ZNF316: variants seen among roughly 807,000 people sequenced by gnomAD.
The protein encoded by ZNF316 is zinc finger protein 316.
ZNF316 carries 23 observed loss-of-function variants against 75.6 expected under a neutral mutation model. That is an observed-to-expected ratio of 0.30 (90% CI 0.22 to 0.43). The LOEUF (loss-of-function observed/expected upper bound fraction) is 0.43, where lower values mean the gene tolerates loss of function less well. Ranked by LOEUF, ZNF316 falls within the 20% of genes least tolerant of loss-of-function variation. The pLI is 1.00. For missense variants in ZNF316, 1,266 were observed against 1,409.4 expected (o/e 0.90, Z 1.63); for synonymous variants, 827 against 666.2 (o/e 1.24, Z -3.72).
rs1324356495 is a variant in ZNF316, at chr7:6,643,807, G to A, written c.466-15G>A. Reference sequence around the variant, plus strand: ...GGGCTCCCTCAGCCTCTCACCTGAGGCTCTGTTTCCCCAGGAGCTGGTGAC... The same window carrying A: ...GGGCTCCCTCAGCCTCTCACCTGAGACTCTGTTTCCCCAGGAGCTGGTGAC... On this transcript the variant is annotated splice_polypyrimidine_tract_variant and intron_variant, in intron 6 of 8. Coordinates refer to ENST00000382252, the MANE Select transcript of ZNF316 (RefSeq NM_001278559.2). 2.4e-6 allele frequency: 3 copies of A among 1,234,424 alleles called. No individual in the cohort carries two copies. The highest frequency in any genetic ancestry group is 3.1e-5 in the East Asian group (1 of 31,748). 76.5% of individuals were successfully genotyped at this position (1,234,424 alleles called of 1,614,324 possible). A position where few individuals can be genotyped will look rare whatever the true frequency, so the allele number is the denominator to read the frequency against.
At chr7:6,647,880 T>C (rs1004640259) in intron 8 of ZNF316, among the ~76,000 whole-genome samples, 1 of 152,120 alleles carries the variant, frequency 6.6e-6, no homozygotes, top group African/African-American at 2.4e-5. Context: ...CATGTGGCTG[T>C]GGGGCCACTG....
chr7:6,654,221 C>T lies in ZNF316; in HGVS notation c.2625C>T (p.Ala875=). ...GCTTCGCGCAGCGCTCCAACCTGGC[C>T]AAGCACCGGCGCGGCCACACGGGCG... The part of the protein sequence containing the change: ...GRGFAQRSNL[A]KHRRGHTGER... Residue 875 remains alanine (A), a synonymous_variant, in exon 9 of 9, where the codon GCC becomes GCT. Coordinates refer to ENST00000382252, the MANE Select transcript of ZNF316 (RefSeq NM_001278559.2). 1 of 1,222,542 alleles carries T rather than the reference C, an allele frequency of 8.2e-7. No individual in the cohort carries two copies. The highest frequency in any genetic ancestry group is 1.0e-6 in the Non-Finnish European group (1 of 981,734). 75.7% of individuals were successfully genotyped at this position (1,222,542 alleles called of 1,614,324 possible).
At position 6,643,905 on chromosome 7, in the gene ZNF316, C is replaced by T; in HGVS notation, c.549C>T (p.Tyr183=). ...ERLEADQRGL[Y]QEVMQENYGI... ...TGGAAGCAGACCAGCGGGGCCTCTA[C>T]CAGGAAGTCATGCAGGAGAACTATG... The change falls in exon 7 of 9, where the codon TAC becomes TAT. Residue 183 remains tyrosine, a synonymous_variant. Coordinates refer to ENST00000382252, the MANE Select transcript of ZNF316 (RefSeq NM_001278559.2). 1.6e-6 allele frequency: 2 copies of T among 1,234,318 alleles called. No individual in the cohort carries two copies. Among genetic ancestry groups the T allele is most frequent in the Non-Finnish European group, 2.0e-6 (2 of 989,372 alleles). The allele number at this position is 1,234,318 out of a possible 1,614,324, so 76.5% of individuals were successfully genotyped here.
chr7:6,640,471 G>A lies in ZNF316; in HGVS notation c.-167+1330G>A, dbSNP rs1779293131. On this transcript the variant is annotated intron_variant, in intron 3 of 8. Coordinates refer to ENST00000382252, the MANE Select transcript of ZNF316 (RefSeq NM_001278559.2). This position sits in a 1 kb window ranked among gnomAD's most constrained non-coding sequence, Gnocchi z 5.1. ...TGGGGAGGCGCCACACACTTTTAAA[G>A]ACGACCAGATGTCCTGTGAACTCAT... 6.6e-6 allele frequency among the ~76,000 whole-genome samples: 1 copy of A among 152,150 alleles called. No homozygotes were observed. Among genetic ancestry groups the A allele is most frequent in the African/African-American group, 2.4e-5 (1 of 41,428 alleles).
Position 6,653,222 on chromosome 7 carries a change from TGGCGAGGCGGAC to T in ZNF316, c.1629_1640del (p.Asp546_Ala549del), listed in dbSNP as rs1006144173. 1.6e-6 allele frequency: 2 copies of T among 1,223,810 alleles called. No individual in the cohort carries two copies. Among genetic ancestry groups the T allele is most frequent in the Admixed American group, 4.3e-5 (1 of 23,394 alleles). 75.8% of individuals were successfully genotyped at this position (1,223,810 alleles called of 1,614,324 possible). On this transcript the variant is annotated inframe_deletion, in exon 9 of 9. Transcript: ENST00000382252. ...ACCCTGGGCCAGAGGGATCTGAAGT[TGGCGAGGCGGAC>T]GGAGAGGCGGAGGCCGCGGCCGAGG...
chr7:6,656,906 A>T lies in ZNF316; in HGVS notation c.*2295A>T, dbSNP rs1043831859. ...CTGATTGGTTGATTTCTTTATTCTTATCACATGGTAGCCCACGATCAGATC... is the reference window on the plus strand; with the variant it reads ...CTGATTGGTTGATTTCTTTATTCTTTTCACATGGTAGCCCACGATCAGATC... On this transcript the variant is annotated 3_prime_UTR_variant, in exon 9 of 9. Coordinates refer to ENST00000382252, the MANE Select transcript of ZNF316 (RefSeq NM_001278559.2). Among the ~76,000 whole-genome samples the T allele has an allele frequency of 6.6e-6, 1 of 152,114 alleles. No individual in the cohort carries two copies. Among genetic ancestry groups the T allele is most frequent in the African/African-American group, 2.4e-5 (1 of 41,406 alleles).
chr7:6,637,442 C>T lies in ZNF316; in HGVS notation c.-436C>T, dbSNP rs1412922147. On this transcript the variant is annotated 5_prime_UTR_variant, in exon 1 of 9. Transcript: ENST00000382252. The surrounding 1 kb of genome is among the most constrained non-coding windows in gnomAD (Gnocchi z 6.2). ...GGCCCGTGGCTCGGCCAGCCCGGCCCGCGCGGTGAGTGGGTCTCGCGGGGC... is the reference window on the plus strand; with the variant it reads ...GGCCCGTGGCTCGGCCAGCCCGGCCTGCGCGGTGAGTGGGTCTCGCGGGGC... 1 of 146,710 alleles carries T rather than the reference C, an allele frequency of 6.8e-6. No individual in the cohort carries two copies. The highest frequency in any genetic ancestry group is 1.5e-5 in the Non-Finnish European group (1 of 65,852). 9.1% of individuals were successfully genotyped at this position (146,710 alleles called of 1,614,324 possible).
chr7:6,649,796 G>A (rs1779474969), intron 8 of ZNF316, among the ~76,000 whole-genome samples: 2 of 152,170 alleles, frequency 1.3e-5, no homozygotes, highest in African/African-American at 4.8e-5. Flanking sequence ...TGTTGGACAA[G>A]TGGCCATGCC....
chr7:6,640,260 C>G lies in ZNF316; in HGVS notation c.-167+1119C>G, dbSNP rs1191276582. On this transcript the variant is annotated intron_variant, in intron 3 of 8. Coordinates refer to ENST00000382252, the MANE Select transcript of ZNF316 (RefSeq NM_001278559.2). The surrounding 1 kb of genome is among the most constrained non-coding windows in gnomAD (Gnocchi z 5.1). ...GTTCTCGCATTGCTGTAAAGAAATACCTGAGACTGGGTCATTTATAAAGAA... is the reference window on the plus strand; with the variant it reads ...GTTCTCGCATTGCTGTAAAGAAATAGCTGAGACTGGGTCATTTATAAAGAA... 1.3e-5 allele frequency among the ~76,000 whole-genome samples: 2 copies of G among 152,124 alleles called. No individual in the cohort carries two copies. Among genetic ancestry groups the G allele is most frequent in the African/African-American group, 4.8e-5 (2 of 41,420 alleles).
intron 8 of ZNF316, among the ~76,000 whole-genome samples, chr7:6,648,136 T>C (rs921937560): frequency 1.5e-4 from 23 of 152,222 alleles, no homozygotes; most frequent in African/African-American, 5.3e-4. Flanking sequence ...CCCTCCCAGG[T>C]GTAGGGACCT....
Position 6,652,540 on chromosome 7 carries a change from C to A in ZNF316, c.944C>A (p.Pro315His). ...CTGGCCGACGGCTCTGAAGCGAAGC[C>A]TTTCCTGCCCGGCCGGGAGCCGGGT... ...GVLADGSEAK[P>H]FLPGREPGAN... Residue 315 changes from proline to histidine, a missense_variant, in exon 9 of 9, where the codon CCT becomes CAT. Physicochemically the swap from Pro to His is moderately conservative, Grantham distance 77 (BLOSUM62 -2). Coordinates refer to ENST00000382252, the MANE Select transcript of ZNF316 (RefSeq NM_001278559.2). The A allele has an allele frequency of 8.1e-7, 1 of 1,231,108 alleles. No individual in the cohort carries two copies. The highest frequency in any genetic ancestry group is 1.0e-6 in the Non-Finnish European group (1 of 987,478). The allele number at this position is 1,231,108 out of a possible 1,614,324, so 76.3% of individuals were successfully genotyped here.
chr7:6,649,193 C>T (rs1049690034), intron 8 of ZNF316, among the ~76,000 whole-genome samples: 5 of 152,140 alleles, frequency 3.3e-5, no homozygotes, highest in African/African-American at 1.2e-4. Flanking sequence ...ATCACTGAGC[C>T]CTTGTGGTCC....
rs1315932122 is a variant in ZNF316, at chr7:6,652,761, G to A, written c.1165G>A (p.Ala389Thr). The A allele has an allele frequency of 1.6e-6, 2 of 1,267,030 alleles. No homozygotes were observed. The highest frequency in any genetic ancestry group is 1.5e-5 in the African/African-American group (1 of 64,926). The allele number at this position is 1,267,030 out of a possible 1,614,324, so 78.5% of individuals were successfully genotyped here. ...GKGFVYRSHL[A>T]IHQRTHTGEK... ...GGGCTTCGTGTACCGCTCGCACTTG[G>A]CCATCCACCAGCGCACGCACACCGG... The change falls in exon 9 of 9, where the codon GCC becomes ACC. Residue 389 changes from alanine to threonine, a missense_variant. Physicochemically the swap from Ala to Thr is moderately conservative, Grantham distance 58. Transcript: ENST00000382252.
rs1779231436 is a variant in ZNF316, at chr7:6,637,332, C to A, written c.-546C>A. ...CGGCCGGCGGTACTTCCGGTGCCCA[C>A]GCGCCGCCGTCGCGCAGCTCCCGGG... On this transcript the variant is annotated 5_prime_UTR_variant, in exon 1 of 9. Coordinates refer to ENST00000382252, the MANE Select transcript of ZNF316 (RefSeq NM_001278559.2). The surrounding 1 kb of genome is among the most constrained non-coding windows in gnomAD (Gnocchi z 6.2). 6.7e-6 allele frequency: 1 copy of A among 150,300 alleles called. No individual in the cohort carries two copies. The highest frequency in any genetic ancestry group is 2.1e-4 in the South Asian group (1 of 4,828). The allele number at this position is 150,300 out of a possible 1,614,324, so 9.3% of individuals were successfully genotyped here.
chr7:6,653,294 C>T lies in ZNF316; in HGVS notation c.1698C>T (p.Pro566=). The change falls in exon 9 of 9, where the codon CCC becomes CCT. Residue 566 remains proline (P), a synonymous_variant. Transcript: ENST00000382252. ...REEAAVAAPT[P]SGKVDPAPER... ...AGGCGGCGGTGGCGGCGCCCACCCCCAGCGGCAAGGTGGACCCCGCGCCGG... is the reference window on the plus strand; with the variant it reads ...AGGCGGCGGTGGCGGCGCCCACCCCTAGCGGCAAGGTGGACCCCGCGCCGG... 8.1e-7 allele frequency: 1 copy of T among 1,227,518 alleles called. No individual in the cohort carries two copies. 76.0% of individuals were successfully genotyped at this position (1,227,518 alleles called of 1,614,324 possible). A position where few individuals can be genotyped will look rare whatever the true frequency, so the allele number is the denominator to read the frequency against.
chr7:6,647,183 C>T (rs569189518), intron 8 of ZNF316, among the ~76,000 whole-genome samples: 100 of 152,320 alleles, frequency 6.6e-4, no homozygotes, highest in African/African-American at 2.3e-3. Flanking sequence ...CCCTCAGCCA[C>T]TGCAGACTGG....
intron 6 of ZNF316, among the ~76,000 whole-genome samples, chr7:6,643,477 C>G (rs1779347039): frequency 6.6e-6 from 1 of 152,222 alleles, no homozygotes; most frequent in Non-Finnish European, 1.5e-5. Flanking sequence ...TGCTTGTCCA[C>G]TCGGGTGTGG....
intron 8 of ZNF316, among the ~76,000 whole-genome samples, chr7:6,650,480 C>G (rs952544253): frequency 6.6e-6 from 1 of 152,180 alleles, no homozygotes; most frequent in Non-Finnish European, 1.5e-5. Flanking sequence ...ACAGTGAAGC[C>G]GGGCCTGTGT....
Position 6,654,733 on chromosome 7 carries a change from C to G in ZNF316, c.*122C>G. On this transcript the variant is annotated 3_prime_UTR_variant, in exon 9 of 9. Coordinates refer to ENST00000382252, the MANE Select transcript of ZNF316 (RefSeq NM_001278559.2). ...CCCAGTCCTGGGTGCGGTGCCTTCC[C>G]TCAGCCCTCGCCCTGCGGCCCCGGG... The G allele has an allele frequency of 2.2e-6, 2 of 890,232 alleles. No homozygotes were observed. The highest frequency in any genetic ancestry group is 2.8e-6 in the Non-Finnish European group (2 of 705,154). 55.1% of individuals were successfully genotyped at this position (890,232 alleles called of 1,614,324 possible).
Sources: allele counts gnomAD v4.1 joint callset (sites outside exome capture counted in the v4.1 genomes callset), GRCh38; gene constraint gnomAD v4.1.1; non-coding constraint Gnocchi (gnomAD v3.1); transcripts MANE v1.5; gene names NCBI Gene and HGNC (gene_info 2026-07-23, HGNC 2026-07-21).